The following NUP107 variants were observed in gnomAD, a reference collection of about 807,000 sequenced individuals.
The protein encoded by NUP107 is nucleoporin 107.
Under a neutral mutation model 141.0 loss-of-function variants are expected in NUP107, and 101 were observed. The observed-to-expected ratio is 0.72, with a 90% CI of 0.61 to 0.84. NUP107 has a LOEUF of 0.84. NUP107 is among the 40% of genes least tolerant of loss of function. NUP107 has a pLI of 0.00. For missense variants in NUP107, 941 were observed against 1,102.7 expected (o/e 0.85, Z 2.08); for synonymous variants, 319 against 363.9 (o/e 0.88, Z 1.41).
At chr12:68,691,856 A>T in intron 4 of NUP107, 112 bp from the exon 5 acceptor site, 12 of 824,306 alleles carry the variant, frequency 1.5e-5, no homozygotes, top group Non-Finnish European at 1.9e-5. Flanking sequence ...AAAAAAAAAA[A>T]GACGCATACA....
intron 8 of NUP107, chr12:68,706,136 A>G (rs1592501132): frequency 3.9e-6 from 3 of 766,538 alleles, no homozygotes; most frequent in South Asian, 1.3e-5. Flanking sequence ...ACTTGATAAC[A>G]TGCAGGGGCT....
At chr12:68,687,416 G>A (rs1389173794) in intron 1 of NUP107, 3 of 1,092,914 alleles carry the variant, frequency 2.7e-6, no homozygotes, top group Non-Finnish European at 3.4e-6. Context: ...AAGCCAGTCA[G>A]TGAAGATACT....
rs1463197708 is a variant in NUP107, at chr12:68,733,964, G to GC, written c.2262+353dup. ...TAGGTTTGTTATGACTAAAATAGCA[G>GC]CATACTCATTCAAAATTCATTCAAG... On this transcript the variant is annotated intron_variant, in intron 24 of 27. Transcript: ENST00000229179. 2.0e-5 allele frequency among the ~76,000 whole-genome samples: 3 copies of GC among 152,240 alleles called. No homozygotes were observed. In the East Asian group the frequency reaches 5.8e-4, roughly 29 times the overall value.
intron 20 of NUP107, 66 bp downstream of exon 20, chr12:68,727,455 A>G (rs1453608777): frequency 3.4e-6 from 3 of 878,504 alleles, no homozygotes; most frequent in Non-Finnish European, 5.4e-6. Context: ...ACTCAGAATG[A>G]TGCTATTTTA....
intron 1 of NUP107, chr12:68,687,653 G>A (rs982780182): frequency 4.1e-6 from 4 of 985,562 alleles, no homozygotes; most frequent in African/African-American, 3.5e-5. Context: ...ACCCCTCAAA[G>A]AAGGTAACTT....
At chr12:68,742,094 T>A in intron 27 of NUP107, 114 bp downstream of exon 27, 1 of 900,040 alleles carries the variant, frequency 1.1e-6, no homozygotes, top group Non-Finnish European at 1.7e-6. Flanking sequence ...TTTCTTAAAG[T>A]AATAGTCCAG....
At chr12:68,725,824 G>GT in intron 18 of NUP107, 28 bp downstream of exon 18, 2 of 778,624 alleles carry the variant, frequency 2.6e-6, no homozygotes, top group Non-Finnish European at 3.9e-6. Flanking sequence ...TTTACTTTGT[G>GT]TTTTTTGTGT....
At chr12:68,741,235 C>T (rs1250063288) in intron 26 of NUP107, among the ~76,000 whole-genome samples, 1 of 151,994 alleles carries the variant, frequency 6.6e-6, no homozygotes, top group African/African-American at 2.4e-5. Flanking sequence ...TAAAGGAATG[C>T]CAATTGTTTT....
intron 5 of NUP107, among the ~76,000 whole-genome samples, chr12:68,696,000 C>T (rs1876031246): frequency 6.6e-6 from 1 of 150,476 alleles, no homozygotes; most frequent in Non-Finnish European, 1.5e-5. Flanking sequence ...GAGCAAGATC[C>T]CCCTCTCTTA....
At chr12:68,739,485 T>C (rs1210378266) in intron 26 of NUP107, among the ~76,000 whole-genome samples, 1 of 152,220 alleles carries the variant, frequency 6.6e-6, no homozygotes, top group Admixed American at 6.5e-5. Flanking sequence ...AGCTGTAATA[T>C]CAGTTCCAAT....
chr12:68,714,352 G>A (rs1055119994), intron 11 of NUP107: 1 of 152,116 alleles, frequency 6.6e-6, no homozygotes, highest in African/African-American at 2.4e-5. Context: ...AAAATTGTTT[G>A]GGAAAAAGAA....
chr12:68,706,007 C>T, intron 8 of NUP107: 1 of 883,512 alleles, frequency 1.1e-6, no homozygotes, highest in Non-Finnish European at 1.9e-6. Flanking sequence ...AAGTGGAGGC[C>T]CCTGCAGCGG....
At chr12:68,702,599 T>C in intron 7 of NUP107, 137 bp from the exon 8 acceptor site, 2 of 587,902 alleles carry the variant, frequency 3.4e-6, no homozygotes, top group South Asian at 4.0e-5. Flanking sequence ...AATACAGATA[T>C]ACATATTTGA....
intron 14 of NUP107, 29 bp downstream of exon 14, chr12:68,719,683 T>G (rs1369031962): frequency 7.0e-7 from 1 of 1,438,768 alleles, no homozygotes; most frequent in Non-Finnish European, 9.8e-7. Context: ...TCAGTGATAC[T>G]GTTTTTAACT....
At chr12:68,728,862 T>C (rs1877689953) in intron 20 of NUP107, among the ~76,000 whole-genome samples, 1 of 152,186 alleles carries the variant, frequency 6.6e-6, no homozygotes, top group Non-Finnish European at 1.5e-5. Context: ...ATGTTGTCTG[T>C]TTACAAGATG....
rs369578271 is a variant in NUP107, at chr12:68,689,521, C to G, written c.101-12C>G. 17 of 1,544,044 alleles carry G rather than the reference C, an allele frequency of 1.1e-5. No individual in the cohort carries two copies. Among genetic ancestry groups the G allele is most frequent in the Non-Finnish European group, 1.4e-5 (16 of 1,135,572 alleles). On this transcript the variant is annotated splice_polypyrimidine_tract_variant and intron_variant, in intron 2 of 27. Transcript: ENST00000229179. ...TTTCTACATGGAAAACTTTTCTTAA[C>G]TCGTTGTACAGTTCAGGCATCTCAA...
intron 18 of NUP107, 34 bp downstream of exon 18, chr12:68,725,830 T>TC: frequency 9.7e-7 from 1 of 1,028,768 alleles, no homozygotes; most frequent in Non-Finnish European, 1.4e-6. Context: ...TTGTGTTTTT[T>TC]GTGTGTGTTT....
intron 2 of NUP107, 110 bp downstream of exon 2, chr12:68,689,163 G>T (rs1875653626): frequency 3.7e-5 from 29 of 775,360 alleles, no homozygotes; most frequent in Non-Finnish European, 5.6e-5. Context: ...ATAAAATCCT[G>T]TAGAAACTTT....
At chr12:68,737,179 A>G (rs1592524610) in intron 26 of NUP107, among the ~76,000 whole-genome samples, 1 of 152,202 alleles carries the variant, frequency 6.6e-6, no homozygotes, top group Non-Finnish European at 1.5e-5. Context: ...AAAGACTTCA[A>G]TGCTTTATTT....
Sources: allele counts gnomAD v4.1 joint callset (sites outside exome capture counted in the v4.1 genomes callset), GRCh38; gene constraint gnomAD v4.1.1; transcripts MANE v1.5; gene names NCBI Gene and HGNC (gene_info 2026-07-23, HGNC 2026-07-21).